Variants in USP13 observed in about 807,000 individuals in gnomAD.
USP13 encodes the protein ubiquitin specific peptidase 13.
In USP13, 68 loss-of-function variants were observed where a neutral mutation model predicts 107.8. The observed-to-expected ratio is 0.63, with a 90% CI of 0.52 to 0.77. USP13 has a LOEUF of 0.77. Ranked by LOEUF, USP13 falls within the 30% of genes least tolerant of loss-of-function variation. The pLI is 0.00. For missense variants in USP13, 945 were observed against 1,093.3 expected, an observed-to-expected ratio of 0.86 and a Z score of 1.91; for synonymous variants, 377 against 389.5, an observed-to-expected ratio of 0.97 and a Z score of 0.38.
chr3:179,654,075 G>A (rs1216424403), intron 1 of USP13, among the ~76,000 whole-genome samples: 2 of 151,966 alleles, frequency 1.3e-5, no homozygotes, highest in Non-Finnish European at 2.9e-5. Context: ...TTAGCCGGGC[G>A]CGGTGGCGGG....
At chr3:179,728,720 C>T (rs1426890364) in intron 8 of USP13, among the ~76,000 whole-genome samples, 1 of 152,240 alleles carries the variant, frequency 6.6e-6, no homozygotes, top group Non-Finnish European at 1.5e-5. Context: ...GAGACTCCGT[C>T]TGCAATCCCG....
In USP13 at chr3:179,721,872, C is replaced by T. The variant is rs757271948; in HGVS notation, c.1088+283C>T. On this transcript the variant is annotated intron_variant, in intron 8 of 20. Coordinates refer to ENST00000263966, the MANE Select transcript of USP13 (RefSeq NM_003940.3). This position sits in a 1 kb window ranked among gnomAD's most constrained non-coding sequence, Gnocchi z 4.3. Reference sequence around the variant, plus strand: ...AGATCACGAGGTCAGGAGTTCAAGACCAGCCTGACCAACATGACGAAACCC... The same window carrying T: ...AGATCACGAGGTCAGGAGTTCAAGATCAGCCTGACCAACATGACGAAACCC... Among the ~76,000 whole-genome samples the T allele has an allele frequency of 1.3e-5, 2 of 151,976 alleles. No individual in the cohort carries two copies. Among genetic ancestry groups the T allele is most frequent in the Non-Finnish European group, 2.9e-5 (2 of 68,012 alleles).
At chr3:179,717,162 C>T (rs997649287) in intron 6 of USP13, among the ~76,000 whole-genome samples, 8 of 152,206 alleles carry the variant, frequency 5.3e-5, no homozygotes, top group Admixed American at 4.6e-4. Context: ...ATAGTTTCTG[C>T]ACTAAGACCT....
intron 1 of USP13, among the ~76,000 whole-genome samples, chr3:179,672,301 AT>A (rs1262645263): frequency 3.9e-5 from 6 of 152,182 alleles, no homozygotes; most frequent in African/African-American, 1.4e-4. Flanking sequence ...GGCTAAGTAT[AT>A]ACTGTATGTA....
intron 19 of USP13, 75 bp from the exon 20 acceptor site, chr3:179,781,664 G>T: frequency 3.0e-6 from 4 of 1,343,452 alleles, no homozygotes; most frequent in Non-Finnish European, 4.2e-6. Context: ...ACTATGGTTG[G>T]TTTTAAATTC....
chr3:179,704,436 C>G lies in USP13; in HGVS notation c.478-2498C>G, dbSNP rs182044152. On this transcript the variant is annotated intron_variant, in intron 4 of 20. Coordinates refer to ENST00000263966, the MANE Select transcript of USP13 (RefSeq NM_003940.3). ...AGATTAGGAGGCTACACAACAGCCT[C>G]CTTACTGTGGTCTTTCCTTCACGCC... 1.2e-3 allele frequency among the ~76,000 whole-genome samples: 176 copies of G among 152,280 alleles called. 1 individual carries two copies. Among genetic ancestry groups the G allele is most frequent in the African/African-American group, 4.1e-3 (171 of 41,558 alleles).
At chr3:179,696,501 T>G (rs145535115) in intron 3 of USP13, among the ~76,000 whole-genome samples, 3,155 of 152,236 alleles carry the variant, frequency 0.021, 124 homozygotes, top group African/African-American at 0.073. Flanking sequence ...TGGCTAATTT[T>G]TTTGTATTTT....
chr3:179,759,280 C>T (rs566297305), intron 16 of USP13, among the ~76,000 whole-genome samples: 5 of 151,964 alleles, frequency 3.3e-5, no homozygotes, highest in African/African-American at 7.3e-5. Context: ...CGCGCCCAGC[C>T]GGAATTATGT....
At chr3:179,666,271 C>T (rs981325932) in intron 1 of USP13, among the ~76,000 whole-genome samples, 1 of 152,148 alleles carries the variant, frequency 6.6e-6, no homozygotes, top group African/African-American at 2.4e-5. Context: ...CTACAGGAAG[C>T]AGGGTTGAAA....
chr3:179,653,737 A>T lies in USP13; in HGVS notation c.168+344A>T. On this transcript the variant is annotated intron_variant, in intron 1 of 20. Transcript: ENST00000263966. The surrounding 1 kb of genome is among the most constrained non-coding windows in gnomAD (Gnocchi z 4.0). ...AGATCGTTTGCGTCCTCCGCGGGGC[A>T]GAGCGCAGGGCGGGTAGGTGGACGG... The T allele has an allele frequency of 4.4e-6, 1 of 225,838 alleles. No homozygotes were observed. The highest frequency in any genetic ancestry group is 8.8e-6 in the Non-Finnish European group (1 of 114,084). The allele number at this position is 225,838 out of a possible 1,614,324, so 14.0% of individuals were successfully genotyped here. A position where few individuals can be genotyped will look rare whatever the true frequency, so the allele number is the denominator to read the frequency against.
At chr3:179,714,354 C>T (rs1291897198) in intron 6 of USP13, among the ~76,000 whole-genome samples, 1 of 152,186 alleles carries the variant, frequency 6.6e-6, no homozygotes, top group Non-Finnish European at 1.5e-5. Context: ...CTCCCAGCCC[C>T]AGGGTTTGGA....
At chr3:179,703,430 A>G (rs1211685374) in intron 4 of USP13, among the ~76,000 whole-genome samples, 1 of 152,218 alleles carries the variant, frequency 6.6e-6, no homozygotes, top group Non-Finnish European at 1.5e-5. Flanking sequence ...GTGACTCTAT[A>G]GGTTCTACCA....
rs1370131342 is a variant in USP13, at chr3:179,742,029, T to C, written c.1381-168T>C. On this transcript the variant is annotated intron_variant, in intron 11 of 20. Transcript: ENST00000263966. The surrounding 1 kb of genome is among the most constrained non-coding windows in gnomAD (Gnocchi z 5.0). ...TTTACCAATCCCCATTTTTGGACTT[T>C]AGATAAATTCCAGTGTTTTTCTATT... Among the ~76,000 whole-genome samples the C allele has an allele frequency of 1.3e-5, 2 of 152,352 alleles. No homozygotes were observed. The highest frequency in any genetic ancestry group is 1.9e-4 in the East Asian group (1 of 5,190).
chr3:179,727,702 G>GCC (rs1713582706), intron 8 of USP13, among the ~76,000 whole-genome samples: 1 of 68,214 alleles, frequency 1.5e-5, no homozygotes, highest in African/African-American at 5.0e-5. Flanking sequence ...AGACGGGGTG[G>GCC]TGCCAGGCAG....
chr3:179,734,608 C>T (rs1399837310), intron 10 of USP13, among the ~76,000 whole-genome samples: 1 of 152,202 alleles, frequency 6.6e-6, no homozygotes, highest in East Asian at 1.9e-4. Flanking sequence ...CCCTTAACCT[C>T]TATTTTCCTA....
At chr3:179,758,584 C>T (rs182984307) in intron 16 of USP13, among the ~76,000 whole-genome samples, 158 of 151,070 alleles carry the variant, frequency 1.0e-3, no homozygotes, top group African/African-American at 3.6e-3. Context: ...CTGCAAGCTC[C>T]GCCTCCCGGG....
intron 4 of USP13, among the ~76,000 whole-genome samples, chr3:179,705,781 G>A (rs35934212): frequency 0.17 from 26,446 of 151,972 alleles, 2,547 homozygotes; most frequent in Non-Finnish European, 0.2. Context: ...GGAGTGCAAT[G>A]GTGTGTTCTC....
intron 19 of USP13, among the ~76,000 whole-genome samples, chr3:179,778,775 A>G (rs533690121): frequency 6.6e-6 from 1 of 152,202 alleles, no homozygotes; most frequent in East Asian, 1.9e-4. Context: ...TCAAAGAAAA[A>G]AAAAAAAACG....
At chr3:179,739,158 C>T (rs909791669) in intron 10 of USP13, among the ~76,000 whole-genome samples, 2 of 152,238 alleles carry the variant, frequency 1.3e-5, no homozygotes, top group African/African-American at 4.8e-5. Flanking sequence ...TCCTCCTGCC[C>T]TGAGCCTTCT....
Sources: gnomAD v4.1 joint callset for allele counts (sites outside exome capture counted in the v4.1 genomes callset) on GRCh38, gnomAD v4.1.1 for gene constraint, Gnocchi (gnomAD v3.1) non-coding constraint, MANE v1.5 for transcripts, NCBI Gene and HGNC (gene_info 2026-07-23, HGNC 2026-07-21) for gene names.